KAZN: variants seen among roughly 807,000 people sequenced by gnomAD.
KAZN encodes the protein kazrin.
KAZN carries 40 observed loss-of-function variants against 87.4 expected under a neutral mutation model. The observed-to-expected ratio is 0.46, with a 90% CI of 0.36 to 0.60. KAZN has a LOEUF of 0.60. Ranked by LOEUF, KAZN falls within the 20% of genes least tolerant of loss-of-function variation. The probability of loss-of-function intolerance (pLI) is 0.00; values close to 1 mark genes in which losing one functional copy is unlikely to be tolerated. For missense variants in KAZN, 898 were observed against 1,073.9 expected (o/e 0.84, Z 2.29); for synonymous variants, 466 against 458.3 (o/e 1.02, Z -0.22).
chr1:15,065,291 G>A (rs1430121577), intron 7 of KAZN, among the ~76,000 whole-genome samples: 1 of 152,160 alleles, frequency 6.6e-6, no homozygotes, highest in Non-Finnish European at 1.5e-5. Context: ...GCTTCCCAAA[G>A]TGCTGGGATT....
intron 2 of KAZN, among the ~76,000 whole-genome samples, chr1:14,395,352 A>C (rs1195289791): frequency 6.6e-6 from 1 of 151,948 alleles, no homozygotes; most frequent in Non-Finnish European, 1.5e-5. Flanking sequence ...ACTTTTTTTT[A>C]AGTGCTTGGA....
intron 1 of KAZN, among the ~76,000 whole-genome samples, chr1:13,989,004 C>A (rs1639154486): frequency 6.6e-6 from 1 of 151,844 alleles, no homozygotes; most frequent in African/African-American, 2.4e-5. Context: ...GTTACAGAGG[C>A]TAAGAAGTCC....
At chr1:14,605,102 C>T (rs1351280612) in intron 1 of KAZN, among the ~76,000 whole-genome samples, 1 of 152,230 alleles carries the variant, frequency 6.6e-6, no homozygotes, top group Non-Finnish European at 1.5e-5. Context: ...GCATACCTCA[C>T]TATTATTATT....
At chr1:14,089,004 A>G (rs1203812977) in intron 1 of KAZN, among the ~76,000 whole-genome samples, 3 of 151,650 alleles carry the variant, frequency 2.0e-5, no homozygotes, top group Non-Finnish European at 4.4e-5. Context: ...TTTCTAAAAA[A>G]AAAAATCCAG....
chr1:14,678,161 G>A (rs1557883000), intron 1 of KAZN, among the ~76,000 whole-genome samples: 6 of 152,154 alleles, frequency 3.9e-5, no homozygotes, highest in African/African-American at 1.4e-4. Flanking sequence ...CAGTGGACTG[G>A]GAGAGGAAGA....
rs554317097 is a variant in KAZN at position 14,991,778 on chromosome 1, C to T, written c.418+30903C>T. On this transcript the variant is annotated intron_variant, in intron 2 of 14. Coordinates refer to ENST00000376030, the MANE Select transcript of KAZN (RefSeq NM_201628.3). ...CCCTGCAGCAGATTCCGCCCTGGAC[C>T]GCCAGAGCCTGGTCCCACGTGTCTT... Among the ~76,000 whole-genome samples, 141 of 152,276 alleles carry T rather than the reference C, an allele frequency of 9.3e-4. 1 individual carries two copies. Among genetic ancestry groups the T allele is most frequent in the Middle Eastern group, 3.4e-3 (1 of 294 alleles).
chr1:14,858,672 G>T (rs1411547317), intron 1 of KAZN, among the ~76,000 whole-genome samples: 1 of 152,138 alleles, frequency 6.6e-6, no homozygotes, highest in Non-Finnish European at 1.5e-5. Context: ...AAACAACTAA[G>T]TATTGGCATT....
At position 14,878,309 on chromosome 1, in the gene KAZN, G is replaced by GA. The variant is rs1038343096; in HGVS notation, c.227-82375_227-82374insA. 2.0e-5 allele frequency among the ~76,000 whole-genome samples: 3 copies of GA among 150,412 alleles called. No homozygotes were observed. The South Asian group carries it at 6.2e-4, about 31-fold the overall frequency. ...GGAGTTAAACATTAACAGTTCTTTGGGGGGGTGGCTGTCCTGTGCATTGTA... is the reference window on the plus strand; with the variant it reads ...GGAGTTAAACATTAACAGTTCTTTGGAGGGGGTGGCTGTCCTGTGCATTGTA... On this transcript the variant is annotated intron_variant, in intron 1 of 14. Transcript: ENST00000376030.
intron 1 of KAZN, among the ~76,000 whole-genome samples, chr1:14,804,436 AGGAACAGAG>A (rs1646139933): frequency 2.0e-5 from 3 of 152,278 alleles, no homozygotes; most frequent in African/African-American, 7.2e-5. Context: ...CTCCCATGCC[AGGAACAGAG>A]GGTCTGTTGG....
intron 1 of KAZN, among the ~76,000 whole-genome samples, chr1:13,934,110 A>G (rs1296604540): frequency 6.6e-6 from 1 of 152,272 alleles, no homozygotes; most frequent in Non-Finnish European, 1.5e-5. Context: ...GGGAACTAGT[A>G]TAGAATAGAT....
chr1:14,977,333 G>A (rs1665748790), intron 2 of KAZN, among the ~76,000 whole-genome samples: 1 of 152,222 alleles, frequency 6.6e-6, no homozygotes, highest in Non-Finnish European at 1.5e-5. Context: ...ATGGCACTGG[G>A]TAGGTGCTCA....
At chr1:14,017,359 A>G (rs1640618832) in intron 1 of KAZN, among the ~76,000 whole-genome samples, 1 of 152,246 alleles carries the variant, frequency 6.6e-6, no homozygotes, top group Non-Finnish European at 1.5e-5. Flanking sequence ...TAACTTGTAC[A>G]GTGCTTGCAA....
intron 2 of KAZN, among the ~76,000 whole-genome samples, chr1:14,197,387 TAAAAAAA>T (rs35290614): frequency 2.9e-5 from 3 of 102,278 alleles, no homozygotes; most frequent in Admixed American, 1.0e-4. Context: ...AAGTAAATGT[TAAAAAAA>T]AAAAAAAAAA....
chr1:13,924,874 T>C (rs1432516162), intron 1 of KAZN, among the ~76,000 whole-genome samples: 2 of 152,220 alleles, frequency 1.3e-5, no homozygotes, highest in African/African-American at 4.8e-5. Context: ...GTCCTCAACC[T>C]TGGCAACATA....
intron 1 of KAZN, among the ~76,000 whole-genome samples, chr1:13,917,637 A>C (rs1484001541): frequency 1.3e-5 from 2 of 151,964 alleles, no homozygotes; most frequent in African/African-American, 4.8e-5. Flanking sequence ...TTATATAAAA[A>C]ATTTTTTAAA....
At chr1:14,317,715 A>G (rs906140690) in intron 2 of KAZN, among the ~76,000 whole-genome samples, 3 of 151,842 alleles carry the variant, frequency 2.0e-5, no homozygotes, top group East Asian at 1.9e-4. Flanking sequence ...AATGTCATCA[A>G]TGAATTCTTG....
At chr1:14,690,585 A>AAG (rs33945952) in intron 1 of KAZN, among the ~76,000 whole-genome samples, 82,555 of 151,692 alleles carry the variant, frequency 0.54, 22,516 homozygotes, top group South Asian at 0.64. Flanking sequence ...TATTAAGTCA[A>AAG]AGAGGAAGAT....
intron 1 of KAZN, among the ~76,000 whole-genome samples, chr1:14,656,617 C>T (rs1638808471): frequency 6.6e-6 from 1 of 152,240 alleles, no homozygotes; most frequent in South Asian, 2.1e-4. Context: ...CTGGGGAAGC[C>T]TCAGGAAACT....
intron 2 of KAZN, among the ~76,000 whole-genome samples, chr1:14,454,904 A>G (rs1359567997): frequency 6.6e-6 from 1 of 152,200 alleles, no homozygotes; most frequent in Non-Finnish European, 1.5e-5. Flanking sequence ...GTGTGGCTCA[A>G]TGGGATGCCT....
Sources: allele counts gnomAD v4.1 joint callset (sites outside exome capture counted in the v4.1 genomes callset), GRCh38; gene constraint gnomAD v4.1.1; transcripts MANE v1.5; gene names NCBI Gene and HGNC (gene_info 2026-07-23, HGNC 2026-07-21).